Variants in FAM117B observed in about 807,000 individuals in gnomAD.
FAM117B encodes family with sequence similarity 117 member B.
In FAM117B, 22 loss-of-function variants were observed where a neutral mutation model predicts 52.8. The observed-to-expected ratio is 0.42, with a 90% CI of 0.30 to 0.59. The LOEUF is 0.59. Among genes scored for constraint, FAM117B ranks in the 20% least tolerant of loss-of-function variants. The probability of loss-of-function intolerance (pLI) is 0.22; values close to 1 mark genes in which losing one functional copy is unlikely to be tolerated. For synonymous variants in FAM117B, 309 were observed against 324.1 expected (o/e 0.95, Z 0.50); for missense variants, 678 against 802.6 (o/e 0.84, Z 1.88).
intron 6 of FAM117B, among the ~76,000 whole-genome samples, chr2:202,757,804 C>G (rs1307195887): frequency 6.6e-6 from 1 of 152,178 alleles, no homozygotes; most frequent in Non-Finnish European, 1.5e-5. Flanking sequence ...TAAATCAATA[C>G]AAAGCCTTCA....
intron 4 of FAM117B, among the ~76,000 whole-genome samples, chr2:202,749,632 A>C (rs1022241213): frequency 2.0e-5 from 3 of 152,156 alleles, no homozygotes; most frequent in Non-Finnish European, 4.4e-5. Context: ...TTTGCAATAA[A>C]GAAAACAATG....
At chr2:202,718,773 C>T (rs1691102051) in intron 2 of FAM117B, among the ~76,000 whole-genome samples, 1 of 152,122 alleles carries the variant, frequency 6.6e-6, no homozygotes, top group African/African-American at 2.4e-5. Context: ...GTTTGGAATG[C>T]TTTTCCCACC....
At chr2:202,710,217 T>G (rs986527617) in intron 2 of FAM117B, among the ~76,000 whole-genome samples, 2 of 152,172 alleles carry the variant, frequency 1.3e-5, no homozygotes, top group African/African-American at 4.8e-5. Context: ...TTGGGTAGTG[T>G]GGGTGTTTTA....
chr2:202,759,242 A>G lies in FAM117B; in HGVS notation c.1340A>G (p.Asn447Ser), dbSNP rs1001873887. 30 of 1,613,934 alleles carry G rather than the reference A, an allele frequency of 1.9e-5. No homozygotes were observed. Among genetic ancestry groups the G allele is most frequent in the Non-Finnish European group, 2.3e-5 (27 of 1,179,994 alleles). Residue 447 changes from asparagine to serine, a missense_variant, in exon 7 of 8, where the codon AAC becomes AGC. By Grantham distance (46) the Asn-to-Ser change is conservative. This residue lies in a region of FAM117B where 583 missense variants were observed against 644.8 expected (regional missense o/e 0.90). Coordinates refer to ENST00000392238, the MANE Select transcript of FAM117B (RefSeq NM_173511.4). ...GTGTCATTTCTTGCAGAGAATGGGA[A>G]CAATTCTCCTTTGCCCAAATATGCA... ...LVDPRDKENGNNSPLPKYATS... is the reference protein window; with the variant it reads ...LVDPRDKENGSNSPLPKYATS...
chr2:202,692,409 A>G (rs1690647274), intron 1 of FAM117B, among the ~76,000 whole-genome samples: 1 of 152,204 alleles, frequency 6.6e-6, no homozygotes, highest in South Asian at 2.1e-4. Flanking sequence ...AATGTACCAC[A>G]TAGTAAAATT....
chr2:202,733,123 C>T (rs1691383096), intron 4 of FAM117B, among the ~76,000 whole-genome samples: 1 of 151,976 alleles, frequency 6.6e-6, no homozygotes, highest in Non-Finnish European at 1.5e-5. Context: ...CTGTAATGTC[C>T]GCCTGAGCCG....
intron 1 of FAM117B, among the ~76,000 whole-genome samples, chr2:202,695,457 C>T (rs922026717): frequency 6.6e-6 from 1 of 152,138 alleles, no homozygotes; most frequent in Non-Finnish European, 1.5e-5. Flanking sequence ...GTTGTCTATG[C>T]TCCCTACCTG....
At chr2:202,640,578 AT>A (rs1249964344) in intron 1 of FAM117B, among the ~76,000 whole-genome samples, 1 of 151,386 alleles carries the variant, frequency 6.6e-6, no homozygotes, top group Non-Finnish European at 1.5e-5. Context: ...TTTCTCTAAC[AT>A]TTGGAGGATT....
At chr2:202,637,519 A>G (rs1261612158) in intron 1 of FAM117B, among the ~76,000 whole-genome samples, 1 of 152,208 alleles carries the variant, frequency 6.6e-6, no homozygotes, top group Non-Finnish European at 1.5e-5. Context: ...GGCCTCCCAA[A>G]GTGCTAGGAT....
At chr2:202,703,762 C>T (rs181407791) in intron 2 of FAM117B, among the ~76,000 whole-genome samples, 1 of 152,212 alleles carries the variant, frequency 6.6e-6, no homozygotes, top group Non-Finnish European at 1.5e-5. Context: ...TTTGACTGTT[C>T]TGAACAATGC....
intron 2 of FAM117B, among the ~76,000 whole-genome samples, chr2:202,696,981 A>G (rs1487265301): frequency 6.6e-6 from 1 of 152,222 alleles, no homozygotes; most frequent in Non-Finnish European, 1.5e-5. Context: ...AGGCAGGAGA[A>G]TCACTTGAAC....
At chr2:202,727,209 G>A (rs1190220412) in intron 4 of FAM117B, among the ~76,000 whole-genome samples, 1 of 152,152 alleles carries the variant, frequency 6.6e-6, no homozygotes. Flanking sequence ...TAACAGTAAG[G>A]CAGCAGGGCC....
At chr2:202,737,692 CT>C (rs1409957627) in intron 4 of FAM117B, among the ~76,000 whole-genome samples, 2 of 152,000 alleles carry the variant, frequency 1.3e-5, no homozygotes, top group East Asian at 3.9e-4. Context: ...GCCTCTGCCT[CT>C]TGGGTTCAAG....
intron 1 of FAM117B, among the ~76,000 whole-genome samples, chr2:202,669,361 T>TATTTATCA (rs1285649741): frequency 1.3e-5 from 2 of 152,184 alleles, no homozygotes; most frequent in Non-Finnish European, 2.9e-5. Flanking sequence ...TGGGGCTACT[T>TATTTATCA]ATTTATCACC....
chr2:202,683,223 G>T (rs955721054), intron 1 of FAM117B, among the ~76,000 whole-genome samples: 6 of 152,158 alleles, frequency 3.9e-5, no homozygotes, highest in Non-Finnish European at 7.3e-5. Flanking sequence ...AGGTACTCAG[G>T]AGGCTGAGGC....
intron 1 of FAM117B, among the ~76,000 whole-genome samples, chr2:202,676,002 AAAAG>A (rs1223441822): frequency 1.3e-5 from 2 of 151,912 alleles, no homozygotes; most frequent in African/African-American, 4.8e-5. Context: ...AAAAAAAAAA[AAAAG>A]AATATAGCAA....
rs552424045 is a variant in FAM117B, at chr2:202,747,024, C to A, written c.961-8514C>A. Among the ~76,000 whole-genome samples the A allele has an allele frequency of 2.0e-5, 3 of 150,168 alleles. No homozygotes were observed. In the East Asian group the frequency reaches 5.8e-4, roughly 29 times the overall value. On this transcript the variant is annotated intron_variant, in intron 4 of 7. Coordinates refer to ENST00000392238, the MANE Select transcript of FAM117B (RefSeq NM_173511.4). Reference sequence around the variant, plus strand: ...CCCTATTGAACATAGATGCAAAAATCCTGAGCAAAATACTGGCAAACCAGA... The same window carrying A: ...CCCTATTGAACATAGATGCAAAAATACTGAGCAAAATACTGGCAAACCAGA...
chr2:202,635,936 C>T (rs1689678805), intron 1 of FAM117B, 148 bp downstream of exon 1: 1 of 1,001,842 alleles, frequency 1.0e-6, no homozygotes, highest in Non-Finnish European at 1.3e-6. Context: ...GGTGGGGGAC[C>T]CGGCAGTGCG....
intron 1 of FAM117B, among the ~76,000 whole-genome samples, chr2:202,638,024 G>A (rs1247059417): frequency 6.6e-6 from 1 of 152,052 alleles, no homozygotes; most frequent in Non-Finnish European, 1.5e-5. Flanking sequence ...TTACAGGCAT[G>A]CGCTACCACG....
Sources: allele counts gnomAD v4.1 joint callset (sites outside exome capture counted in the v4.1 genomes callset), GRCh38; gene constraint gnomAD v4.1.1; regional missense constraint gnomAD v4.1.1; transcripts MANE v1.5; gene names NCBI Gene and HGNC (gene_info 2026-07-23, HGNC 2026-07-21).